INSYN2B: variants seen among roughly 807,000 people sequenced by gnomAD.
INSYN2B encodes the protein inhibitory synaptic factor family member 2B.
In INSYN2B, 16 loss-of-function variants were observed where a neutral mutation model predicts 41.2. The observed-to-expected ratio is 0.39, with a 90% confidence interval of 0.26 to 0.59. INSYN2B has a LOEUF of 0.59. Among genes scored for constraint, INSYN2B ranks in the 20% least tolerant of loss-of-function variants. The probability of loss-of-function intolerance (pLI) is 0.57; values close to 1 mark genes in which losing one functional copy is unlikely to be tolerated. For synonymous variants in INSYN2B, 245 were observed against 244.4 expected, an observed-to-expected ratio of 1.00 and a Z score of -0.02; for missense variants, 608 against 646.4, an observed-to-expected ratio of 0.94 and a Z score of 0.64.
intron 1 of INSYN2B, among the ~76,000 whole-genome samples, chr5:169,938,116 C>T (rs1776074108): frequency 6.6e-6 from 1 of 152,202 alleles, no homozygotes; most frequent in South Asian, 2.1e-4. Flanking sequence ...GGAGGTTATA[C>T]TTGCAAGACA....
At chr5:169,924,450 G>A (rs1775333560) in intron 1 of INSYN2B, among the ~76,000 whole-genome samples, 1 of 152,136 alleles carries the variant, frequency 6.6e-6, no homozygotes, top group African/African-American at 2.4e-5. Context: ...TTTCCCTGTT[G>A]TGTTTTCTCC....
At chr5:169,926,854 C>G (rs533384725) in intron 1 of INSYN2B, among the ~76,000 whole-genome samples, 3 of 152,158 alleles carry the variant, frequency 2.0e-5, no homozygotes, top group Non-Finnish European at 4.4e-5. Context: ...ATGTCCCTCC[C>G]TCTAGGTCTT....
intron 3 of INSYN2B, among the ~76,000 whole-genome samples, chr5:169,880,733 A>G (rs1361874964): frequency 6.6e-6 from 1 of 152,246 alleles, no homozygotes; most frequent in African/African-American, 2.4e-5. Context: ...AAGTGAGCCC[A>G]GATTAAGTTA....
At chr5:169,899,248 C>T (rs1271356115) in intron 1 of INSYN2B, among the ~76,000 whole-genome samples, 1 of 152,174 alleles carries the variant, frequency 6.6e-6, no homozygotes, top group African/African-American at 2.4e-5. Context: ...TTGCCTTCAG[C>T]ACGCCCAGAC....
intron 1 of INSYN2B, among the ~76,000 whole-genome samples, chr5:169,968,721 C>T (rs1269013970): frequency 6.6e-6 from 1 of 152,136 alleles, no homozygotes; most frequent in African/African-American, 2.4e-5. Flanking sequence ...AGGAAGGGTA[C>T]TCCCTGGGTC....
At chr5:169,930,440 A>G (rs959268795) in intron 1 of INSYN2B, among the ~76,000 whole-genome samples, 20 of 152,192 alleles carry the variant, frequency 1.3e-4, no homozygotes, top group African/African-American at 4.8e-4. Flanking sequence ...GTCCTCTGGG[A>G]TGACATTTCT....
intron 1 of INSYN2B, among the ~76,000 whole-genome samples, chr5:169,887,645 G>A (rs1338716753): frequency 6.6e-6 from 1 of 152,142 alleles, no homozygotes; most frequent in African/African-American, 2.4e-5. Context: ...TATTTAGGTT[G>A]TTTCTAAATA....
In INSYN2B at chr5:169,864,392, C is replaced by T; in HGVS notation, c.1489G>A (p.Glu497Lys). Residue 497 changes from glutamate (E) to lysine (K), a missense_variant, in exon 4 of 4, where the codon GAG becomes AAG. Glu to Lys is a moderately conservative substitution (Grantham distance 56). Transcript: ENST00000377365. ...GGGGGCGATGCCTCCTCAACTGGCT[C>T]TGCTTCCTCCAGACTCTGCAAAACT... The part of the protein sequence containing the change: ...HEVLQSLEEA[E>K]PVEEASPPPK... The T allele has an allele frequency of 1.3e-6, 2 of 1,551,518 alleles. No homozygotes were observed. The highest frequency in any genetic ancestry group is 8.7e-7 in the Non-Finnish European group (1 of 1,146,892).
intron 1 of INSYN2B, among the ~76,000 whole-genome samples, chr5:169,928,620 C>T (rs1385167338): frequency 1.3e-5 from 2 of 152,146 alleles, no homozygotes; most frequent in Non-Finnish European, 1.5e-5. Flanking sequence ...TCATGGAGGC[C>T]TAGCAGGAGA....
intron 1 of INSYN2B, among the ~76,000 whole-genome samples, chr5:169,947,870 G>T (rs1048309316): frequency 6.6e-6 from 1 of 152,100 alleles, no homozygotes; most frequent in Admixed American, 6.5e-5. Context: ...TGCCTGCTGG[G>T]TGAGCATGAG....
chr5:169,901,554 A>G (rs1313454812), intron 1 of INSYN2B, among the ~76,000 whole-genome samples: 1 of 152,170 alleles, frequency 6.6e-6, no homozygotes, highest in Admixed American at 6.5e-5. Context: ...AAGCAGGATG[A>G]ACCAGTGGGG....
At chr5:169,931,253 G>T (rs1324591402) in intron 1 of INSYN2B, among the ~76,000 whole-genome samples, 1 of 152,222 alleles carries the variant, frequency 6.6e-6, no homozygotes, top group African/African-American at 2.4e-5. Context: ...CCAGGAGAGT[G>T]AGGAAGGCTT....
intron 3 of INSYN2B, among the ~76,000 whole-genome samples, chr5:169,869,965 C>T: frequency 6.6e-6 from 1 of 152,198 alleles, no homozygotes; most frequent in East Asian, 1.9e-4. Flanking sequence ...AGAACCCTGG[C>T]TTACAGTGGA....
At chr5:169,874,997 C>G (rs1203263426) in intron 3 of INSYN2B, among the ~76,000 whole-genome samples, 1 of 152,006 alleles carries the variant, frequency 6.6e-6, no homozygotes, top group East Asian at 1.9e-4. Flanking sequence ...ATAATTAGGT[C>G]TATATATGAT....
intron 1 of INSYN2B, among the ~76,000 whole-genome samples, chr5:169,903,752 G>A (rs192697779): frequency 3.3e-5 from 5 of 151,996 alleles, no homozygotes; most frequent in Non-Finnish European, 5.9e-5. Flanking sequence ...CTCGGTCACT[G>A]TAGCAGGAAG....
At chr5:169,921,966 A>C (rs1561825736) in intron 1 of INSYN2B, among the ~76,000 whole-genome samples, 1 of 152,216 alleles carries the variant, frequency 6.6e-6, no homozygotes, top group African/African-American at 2.4e-5. Flanking sequence ...GGAGAGAATT[A>C]CTTTTATCTG....
intron 1 of INSYN2B, among the ~76,000 whole-genome samples, chr5:169,972,277 G>A (rs1314675363): frequency 6.6e-6 from 1 of 152,066 alleles, no homozygotes; most frequent in Non-Finnish European, 1.5e-5. Flanking sequence ...CCTATAGCAT[G>A]CATTTTGCAC....
rs140063108 is a variant in INSYN2B at position 169,924,850 on chromosome 5, G to A, written c.-918-40034C>T. Among the ~76,000 whole-genome samples the A allele has an allele frequency of 1.1e-3, 163 of 152,216 alleles. 1 individual carries two copies. Among genetic ancestry groups the A allele is most frequent in the African/African-American group, 3.7e-3 (155 of 41,512 alleles). On this transcript the variant is annotated intron_variant, in intron 1 of 3. Transcript: ENST00000377365. ...AGGTAGGCATATTGTCAAAGATTGAGCTGCAGTTTTTCAATTTGTGACTTC... is the reference window on the plus strand; with the variant it reads ...AGGTAGGCATATTGTCAAAGATTGAACTGCAGTTTTTCAATTTGTGACTTC...
chr5:169,953,470 C>G (rs1204659941), intron 1 of INSYN2B, among the ~76,000 whole-genome samples: 7 of 152,144 alleles, frequency 4.6e-5, no homozygotes, highest in Admixed American at 4.6e-4. Context: ...CCGCAATTCC[C>G]TTGTTTATGA....
Sources: gnomAD v4.1 joint callset for allele counts (sites outside exome capture counted in the v4.1 genomes callset) on GRCh38, gnomAD v4.1.1 for gene constraint, MANE v1.5 for transcripts, NCBI Gene and HGNC (gene_info 2026-07-23, HGNC 2026-07-21) for gene names.